CFAP47: variants seen among roughly 807,000 people sequenced by gnomAD.
The protein encoded by CFAP47 is cilia and flagella associated protein 47, also known as cilia- and flagella-associated protein 47.
A neutral mutation model predicts 148.1 loss-of-function variants in CFAP47; 29 were observed. That is an observed-to-expected ratio of 0.20 (90% CI 0.15 to 0.27). CFAP47 has a LOEUF of 0.27. CFAP47 is among the 10% of genes least tolerant of loss of function. The pLI is 1.00. For missense variants in CFAP47, 1,872 were observed against 1,697.5 expected, an observed-to-expected ratio of 1.10 and a Z score of -1.81; for synonymous variants, 664 against 577.3, an observed-to-expected ratio of 1.15 and a Z score of -2.15.
At chrX:35,938,302 A>ATAG (rs1265638133) in intron 2 of CFAP47, among the ~76,000 whole-genome samples, 1 of 111,013 alleles carries the variant, frequency 9.0e-6, no homozygotes, top group Non-Finnish European at 1.9e-5. Flanking sequence ...AATAAAGTGC[A>ATAG]TAGGTAATTT....
In CFAP47 at chrX:36,251,932, T is replaced by C. The variant is rs186540289; in HGVS notation, c.7444+488T>C. Among the ~76,000 whole-genome samples the C allele has an allele frequency of 4.9e-4, 54 of 111,244 alleles. No homozygotes were observed. The East Asian group carries it at 0.012, about 25-fold the overall frequency. ...TATTTATTTATGCAGATTTCCGCAATGGTCCCAGAACAGAATTACTTACAT... is the reference window on the plus strand; with the variant it reads ...TATTTATTTATGCAGATTTCCGCAACGGTCCCAGAACAGAATTACTTACAT... On this transcript the variant is annotated intron_variant, in intron 49 of 63. Transcript: ENST00000378653.
intron 63 of CFAP47, among the ~76,000 whole-genome samples, chrX:36,380,574 G>A (rs1310432173): frequency 9.0e-6 from 1 of 111,582 alleles, no homozygotes; most frequent in Non-Finnish European, 1.9e-5. Flanking sequence ...CTCCCGAGTA[G>A]CAGGGACTAC....
intron 3 of CFAP47, among the ~76,000 whole-genome samples, chrX:35,945,871 CTT>C (rs34966421): frequency 5.7e-5 from 5 of 87,663 alleles, no homozygotes; most frequent in African/African-American, 4.3e-5. Context: ...TTCTCCTTCT[CTT>C]TTTTTTTTTT....
At chrX:36,078,540 TG>T (rs772909596) in intron 29 of CFAP47, among the ~76,000 whole-genome samples, 1,685 of 110,774 alleles carry the variant, frequency 0.015, 43 homozygotes, top group African/African-American at 0.053. Context: ...ACTTTTTTTT[TG>T]TTTTCCATTT....
chrX:36,256,681 C>T (rs1404977473), intron 49 of CFAP47, among the ~76,000 whole-genome samples: 6 of 111,702 alleles, frequency 5.4e-5, no homozygotes, highest in Admixed American at 3.8e-4. Context: ...TGTAAAGATA[C>T]TTCTAGGGAT....
At chrX:36,038,417 C>G (rs1312826439) in intron 24 of CFAP47, among the ~76,000 whole-genome samples, 2 of 112,473 alleles carry the variant, frequency 1.8e-5, no homozygotes, top group Non-Finnish European at 3.7e-5. Flanking sequence ...GTGTTGAGCC[C>G]TGCTCTCTAA....
At chrX:36,194,664 C>T (rs1939901169) in intron 42 of CFAP47, among the ~76,000 whole-genome samples, 1 of 111,216 alleles carries the variant, frequency 9.0e-6, no homozygotes, top group Non-Finnish European at 1.9e-5. Flanking sequence ...ACATGGCTGG[C>T]AGGAGAGAGA....
intron 1 of CFAP47, among the ~76,000 whole-genome samples, chrX:35,923,878 T>C (rs1391150865): frequency 1.1e-5 from 1 of 89,667 alleles, no homozygotes; most frequent in East Asian, 3.1e-4. Flanking sequence ...TATATGTATA[T>C]ATGTACATAT....
chrX:36,016,399 CAT>C (rs1937096452), intron 22 of CFAP47, among the ~76,000 whole-genome samples: 2 of 110,387 alleles, frequency 1.8e-5, no homozygotes, highest in Non-Finnish European at 3.8e-5. Flanking sequence ...TAAGTGAGAA[CAT>C]GTGATGTTTG....
intron 21 of CFAP47, among the ~76,000 whole-genome samples, chrX:36,010,617 C>T (rs1294404716): frequency 9.1e-6 from 1 of 110,464 alleles, no homozygotes; most frequent in East Asian, 2.8e-4. Context: ...GCCACCATGC[C>T]TGGCTAATTT....
At position 36,099,872 on chromosome X, in the gene CFAP47, T is replaced by A; in HGVS notation, c.5120T>A (p.Ile1707Lys). ...GCATGGACAGATGTATTTCTACAGA[T>A]ATACAAGGTAACATTTCCATTATTG... Reference protein sequence around the residue: ...KRAWTDVFLQIYKVLVLSRVV... With the variant: ...KRAWTDVFLQKYKVLVLSRVV... Residue 1707 changes from isoleucine (I) to lysine (K), a missense_variant, in exon 32 of 64, where the codon ATA becomes AAA. Physicochemically the swap from Ile to Lys is moderately radical, Grantham distance 102. Coordinates refer to ENST00000378653, the MANE Select transcript of CFAP47 (RefSeq NM_001304548.2). 1.0e-6 allele frequency: 1 copy of A among 964,529 alleles called. No homozygotes were observed. Among genetic ancestry groups the A allele is most frequent in the Non-Finnish European group, 1.5e-6 (1 of 678,958 alleles). The allele number at this position is 964,529 out of a possible 1,213,427, so 79.5% of individuals were successfully genotyped here. A position where few individuals can be genotyped will look rare whatever the true frequency, so the allele number is the denominator to read the frequency against.
intron 57 of CFAP47, among the ~76,000 whole-genome samples, chrX:36,323,345 T>C (rs1941492323): frequency 9.1e-6 from 1 of 110,371 alleles, no homozygotes; most frequent in South Asian, 3.8e-4. Context: ...AGGCCTTTTT[T>C]TTTTTCTCTC....
At chrX:36,014,733 A>G in intron 21 of CFAP47, 41 bp from the exon 22 acceptor site, 1 of 288,433 alleles carries the variant, frequency 3.5e-6, no homozygotes. Flanking sequence ...ATATTTCGCA[A>G]AGCAAAAATT....
chrX:35,965,448 T>C (rs1332916946), intron 8 of CFAP47, among the ~76,000 whole-genome samples: 1 of 111,902 alleles, frequency 8.9e-6, no homozygotes, highest in East Asian at 2.8e-4. Flanking sequence ...TCTGGGAATA[T>C]ACACAGTCCT....
At chrX:35,942,219 A>G (rs935034140) in intron 3 of CFAP47, among the ~76,000 whole-genome samples, 1 of 111,466 alleles carries the variant, frequency 9.0e-6, no homozygotes, top group Non-Finnish European at 1.9e-5. Flanking sequence ...TCTATCTGAG[A>G]CTGTTTGTTG....
intron 40 of CFAP47, among the ~76,000 whole-genome samples, chrX:36,180,478 A>G (rs921724369): frequency 4.5e-5 from 5 of 112,232 alleles, no homozygotes; most frequent in African/African-American, 1.6e-4. Flanking sequence ...CAGCATCAAT[A>G]TCATCCTTTT....
chrX:36,051,214 C>T (rs947906101), intron 26 of CFAP47, among the ~76,000 whole-genome samples: 5 of 111,246 alleles, frequency 4.5e-5, no homozygotes, highest in African/African-American at 6.5e-5. Flanking sequence ...GCCCACCATC[C>T]TCCAGACCCC....
intron 57 of CFAP47, among the ~76,000 whole-genome samples, chrX:36,327,061 C>T (rs1407233559): frequency 9.3e-6 from 1 of 107,157 alleles, no homozygotes; most frequent in Non-Finnish European, 1.9e-5. Context: ...GAATTTTCAG[C>T]TAAATCACCA....
chrX:35,924,110 T>C (rs1344170498), intron 1 of CFAP47, among the ~76,000 whole-genome samples: 3 of 101,591 alleles, frequency 3.0e-5, no homozygotes, highest in Non-Finnish European at 3.9e-5. Context: ...TGTATATATG[T>C]ACATGTATGC....
Sources: allele counts gnomAD v4.1 joint callset (sites outside exome capture counted in the v4.1 genomes callset), GRCh38; gene constraint gnomAD v4.1.1; transcripts MANE v1.5; gene names NCBI Gene and HGNC (gene_info 2026-07-23, HGNC 2026-07-21).